The following TMEM232 variants were observed in gnomAD, a reference collection of about 807,000 sequenced individuals.
TMEM232 encodes transmembrane protein 232.
Under a neutral mutation model 78.8 loss-of-function variants are expected in TMEM232, and 80 were observed. That is an observed-to-expected ratio of 1.01 (90% confidence interval 0.85 to 1.22). The LOEUF is 1.22. Ranked by LOEUF, TMEM232 falls within the 50% of genes most tolerant of loss-of-function variation. The probability of loss-of-function intolerance (pLI) is 0.00; values close to 1 mark genes in which losing one functional copy is unlikely to be tolerated. For missense variants in TMEM232, 881 were observed against 742.2 expected, an observed-to-expected ratio of 1.19 and a Z score of -2.17; for synonymous variants, 297 against 254.3, an observed-to-expected ratio of 1.17 and a Z score of -1.60.
intron 10 of TMEM232, among the ~76,000 whole-genome samples, chr5:110,599,291 T>C (rs1361153497): frequency 6.6e-6 from 1 of 152,112 alleles, no homozygotes; most frequent in African/African-American, 2.4e-5. Context: ...GCTAGCATCA[T>C]GAAGACAGGA....
intron 11 of TMEM232, among the ~76,000 whole-genome samples, chr5:110,565,970 T>A (rs1477660540): frequency 6.6e-6 from 1 of 151,922 alleles, no homozygotes; most frequent in Non-Finnish European, 1.5e-5. Context: ...TATATTAGCA[T>A]ACAGTTGTAA....
At chr5:110,403,008 GACA>G (rs1179578998) in intron 2 of TMEM232, among the ~76,000 whole-genome samples, 2 of 151,924 alleles carry the variant, frequency 1.3e-5, no homozygotes, top group African/African-American at 2.4e-5. Flanking sequence ...ACAAAAATAA[GACA>G]ACAAGAAATA....
intron 12 of TMEM232, among the ~76,000 whole-genome samples, chr5:110,430,809 A>G (rs1444257943): frequency 6.6e-6 from 1 of 151,824 alleles, no homozygotes; most frequent in African/African-American, 2.4e-5. Flanking sequence ...GACCTGACAG[A>G]TAACAAATGC....
intron 2 of TMEM232, among the ~76,000 whole-genome samples, chr5:110,646,755 G>A (rs553562858): frequency 4.6e-5 from 7 of 151,672 alleles, no homozygotes; most frequent in Admixed American, 1.3e-4. Flanking sequence ...GGCAATCTAC[G>A]AATTGATAGA....
At position 110,698,272 on chromosome 5, in the gene TMEM232, A is replaced by T. The variant is rs1301932020; in HGVS notation, c.-13+28355T>A. Reference sequence around the variant, plus strand: ...GGACACAGGAAGGGGAACATCACACACCAGGGACTGTTGTGGGGTGGGTGG... The same window carrying T: ...GGACACAGGAAGGGGAACATCACACTCCAGGGACTGTTGTGGGGTGGGTGG... On this transcript the variant is annotated intron_variant, in intron 1 of 13. Transcript: ENST00000455884. Among the ~76,000 whole-genome samples, 58 of 146,334 alleles carry T rather than the reference A, an allele frequency of 4.0e-4. No individual in the cohort carries two copies. The East Asian group carries it at 0.011, about 27-fold the overall frequency.
intron 12 of TMEM232, among the ~76,000 whole-genome samples, chr5:110,524,341 GAAAGAGAAAGAAAGAAAGAAAA>G (rs1353994435): frequency 8.5e-6 from 1 of 117,206 alleles, no homozygotes; most frequent in African/African-American, 3.2e-5. Flanking sequence ...GAGAGAAAAA[GAAAGAGAAAGAAAGAAAGAAAA>G]AAAGAAAGAA....
chr5:110,610,500 G>A (rs903288728), intron 8 of TMEM232: 2 of 455,300 alleles, frequency 4.4e-6, no homozygotes, highest in East Asian at 1.4e-4. Context: ...GTCAATACAA[G>A]ACCTTGAAAA....
At position 110,618,483 on chromosome 5, in the gene TMEM232, T is replaced by C. The variant is rs1045033603; in HGVS notation, c.848A>G (p.Asn283Ser). The C allele has an allele frequency of 3.9e-6, 6 of 1,551,628 alleles. No homozygotes were observed. The African/African-American group carries it at 8.2e-5, about 21-fold the overall frequency. The stretch of plus-strand genomic sequence containing the variant: ...GAAGACGAGATGTTCAAGCACGTTA[T>C]TCAACTGAGGACTGTTATTCTGAAC... ...SCVQNNSPQL[N>S]NVLEHLVFHK... is the part of the protein sequence containing the mutation. Residue 283 changes from asparagine to serine, a missense_variant, in exon 8 of 14, where the codon AAT becomes AGT. Transcript: ENST00000455884.
chr5:110,667,818 C>T (rs559869068), intron 1 of TMEM232: 1 of 152,260 alleles, frequency 6.6e-6, no homozygotes, highest in African/African-American at 2.4e-5. Flanking sequence ...GTGATCATAT[C>T]ACTGTTGTCT....
intron 12 of TMEM232, among the ~76,000 whole-genome samples, chr5:110,491,134 CAACT>C (rs151051946): frequency 0.11 from 16,190 of 151,304 alleles, 1,025 homozygotes; most frequent in South Asian, 0.19. Context: ...TGATAACAGA[CAACT>C]AACCCAATTA....
downstream of TMEM232, among the ~76,000 whole-genome samples, chr5:110,416,732 A>G (rs534875002): frequency 2.0e-5 from 3 of 152,314 alleles, no homozygotes; most frequent in African/African-American, 7.2e-5. Context: ...TTAAATTATA[A>G]TTGGTAAACA....
chr5:110,454,613 A>G (rs1271968643), intron 12 of TMEM232, among the ~76,000 whole-genome samples: 1 of 152,158 alleles, frequency 6.6e-6, no homozygotes, highest in African/African-American at 2.4e-5. Context: ...TCACATGAAA[A>G]ATTAGAAAAT....
chr5:110,621,001 T>C (rs1783675783), intron 7 of TMEM232, among the ~76,000 whole-genome samples: 1 of 151,300 alleles, frequency 6.6e-6, no homozygotes, highest in South Asian at 2.1e-4. Context: ...TAGCTGGGAT[T>C]ACAGGTGCCT....
intron 12 of TMEM232, among the ~76,000 whole-genome samples, chr5:110,496,987 C>G (rs991576096): frequency 3.3e-5 from 5 of 151,822 alleles, no homozygotes; most frequent in African/African-American, 9.7e-5. Flanking sequence ...AATTAAATTC[C>G]TAGGATCTGG....
intron 2 of TMEM232, among the ~76,000 whole-genome samples, chr5:110,656,578 G>A (rs1228439294): frequency 7.2e-5 from 11 of 152,128 alleles, no homozygotes; most frequent in Non-Finnish European, 8.8e-5. Flanking sequence ...AGTGGCTCAC[G>A]CCTATAATCC....
intron 12 of TMEM232, among the ~76,000 whole-genome samples, chr5:110,427,424 A>T (rs1757361125): frequency 6.6e-6 from 1 of 152,016 alleles, no homozygotes; most frequent in Non-Finnish European, 1.5e-5. Flanking sequence ...CAATTGTAAG[A>T]AAAAGGAATG....
chr5:110,653,701 T>G (rs944585624), intron 2 of TMEM232, among the ~76,000 whole-genome samples: 2 of 152,180 alleles, frequency 1.3e-5, no homozygotes, highest in African/African-American at 4.8e-5. Context: ...CTCAATGTTT[T>G]TGGCCCACAT....
intron 11 of TMEM232, among the ~76,000 whole-genome samples, chr5:110,549,941 A>G (rs1418004873): frequency 6.6e-6 from 1 of 152,158 alleles, no homozygotes; most frequent in African/African-American, 2.4e-5. Context: ...CTTCCAGAGT[A>G]TTAAAAAAAT....
chr5:110,586,243 AT>A (rs1010899538), intron 10 of TMEM232, among the ~76,000 whole-genome samples: 52 of 151,810 alleles, frequency 3.4e-4, no homozygotes, highest in African/African-American at 1.2e-3. Flanking sequence ...ATTTTCTCTC[AT>A]TTTTTTCCTG....
Sources: allele counts gnomAD v4.1 joint callset (sites outside exome capture counted in the v4.1 genomes callset), GRCh38; gene constraint gnomAD v4.1.1; transcripts MANE v1.5; gene names NCBI Gene and HGNC (gene_info 2026-07-23, HGNC 2026-07-21).